Variants in BPNT2 observed in about 807,000 individuals in gnomAD.
BPNT2 encodes Golgi-resident adenosine 3',5'-bisphosphate 3'-phosphatase.
In BPNT2, 11 loss-of-function variants were observed where a neutral mutation model predicts 29.3. The ratio of observed to expected loss-of-function variants is 0.38; its 90% CI spans 0.24 to 0.62. BPNT2 has a LOEUF of 0.62. Ranked by LOEUF, BPNT2 falls within the 20% of genes least tolerant of loss-of-function variation. The pLI, the probability that BPNT2 is intolerant of heterozygous loss-of-function variation, is 0.62. For synonymous variants in BPNT2, 195 were observed against 187.7 expected (o/e 1.04, Z -0.32); for missense variants, 459 against 473.4 (o/e 0.97, Z 0.28).
At position 56,980,146 on chromosome 8, in the gene BPNT2, C is replaced by A. The variant is rs761335643; in HGVS notation, c.439G>T (p.Asp147Tyr). Residue 147 changes from aspartate (D) to tyrosine (Y), a missense_variant, in exon 2 of 5, where the codon GAT becomes TAT. Physicochemically the swap from Asp to Tyr is radical, Grantham distance 160. Coordinates refer to ENST00000262644, the MANE Select transcript of BPNT2 (RefSeq NM_017813.5). ...DAADQEVILW[D>Y]HKIPEDILKE... ...AGGATATCCTCAGGAATCTTATGAT[C>A]CCACAAGATAACCTCCTGATCAGCT... 1 of 1,612,478 alleles carries A rather than the reference C, an allele frequency of 6.2e-7. No individual in the cohort carries two copies. Among genetic ancestry groups the A allele is most frequent in the Non-Finnish European group, 8.5e-7 (1 of 1,178,752 alleles).
chr8:56,979,989 A>G, intron 2 of BPNT2, 46 bp downstream of exon 2: 1 of 1,582,478 alleles, frequency 6.3e-7, no homozygotes, highest in African/African-American at 1.3e-5. Context: ...CTGGTTCTCT[A>G]CTACTAAACG....
At position 56,958,511 on chromosome 8, in the gene BPNT2, T is replaced by C. The variant is rs1223447229; in HGVS notation, c.*5282A>G. On this transcript the variant is annotated 3_prime_UTR_variant, in exon 5 of 5. Transcript: ENST00000262644. Reference sequence around the variant, plus strand: ...GTGACGGCAACAGCTAATGGTCTAGTTCCTCCATGGCTTTAAATGCATGAA... The same window carrying C: ...GTGACGGCAACAGCTAATGGTCTAGCTCCTCCATGGCTTTAAATGCATGAA... 6.6e-6 allele frequency: 1 copy of C among 152,228 alleles called. No individual in the cohort carries two copies. The highest frequency in any genetic ancestry group is 1.9e-4 in the East Asian group (1 of 5,202). The allele number at this position is 152,228 out of a possible 1,614,324, so 9.4% of individuals were successfully genotyped here.
intron 1 of BPNT2, among the ~76,000 whole-genome samples, chr8:56,981,126 A>G (rs1806234563): frequency 1.3e-5 from 2 of 152,246 alleles, no homozygotes; most frequent in African/African-American, 2.4e-5. Context: ...AGATGCCAGC[A>G]ACAACACCCT....
Position 56,958,638 on chromosome 8 carries a change from T to C in BPNT2, c.*5155A>G, listed in dbSNP as rs994403556. On this transcript the variant is annotated 3_prime_UTR_variant, in exon 5 of 5. Coordinates refer to ENST00000262644, the MANE Select transcript of BPNT2 (RefSeq NM_017813.5). ...ATAAAAGTATGAAGAGGCAAGAACATAGATTGAAAACTCCATTTCCTAGTT... is the reference window on the plus strand; with the variant it reads ...ATAAAAGTATGAAGAGGCAAGAACACAGATTGAAAACTCCATTTCCTAGTT... 7.9e-5 allele frequency: 12 copies of C among 152,206 alleles called. No homozygotes were observed. Among genetic ancestry groups the C allele is most frequent in the Non-Finnish European group, 1.3e-4 (9 of 68,036 alleles). The allele number at this position is 152,206 out of a possible 1,614,324, so 9.4% of individuals were successfully genotyped here.
chr8:56,978,689 T>C (rs1275176644), intron 2 of BPNT2, among the ~76,000 whole-genome samples: 1 of 151,070 alleles, frequency 6.6e-6, no homozygotes, highest in Non-Finnish European at 1.5e-5. Context: ...GTGGTACATA[T>C]ACACCGTGCA....
At chr8:56,966,109 TG>T in intron 4 of BPNT2, 81 bp downstream of exon 4, 1 of 1,480,362 alleles carries the variant, frequency 6.8e-7, no homozygotes, top group Non-Finnish European at 9.4e-7. Flanking sequence ...CTCCCAAGCA[TG>T]GACAAGCAAA....
chr8:56,984,227 A>T (rs1806291886), intron 1 of BPNT2, among the ~76,000 whole-genome samples: 1 of 152,202 alleles, frequency 6.6e-6, no homozygotes, highest in Admixed American at 6.5e-5. Flanking sequence ...ATTTGAAAAG[A>T]TCTTCACTGA....
At chr8:56,964,310 A>AT in intron 4 of BPNT2, 1 of 340,846 alleles carries the variant, frequency 2.9e-6, no homozygotes. Flanking sequence ...TTATTTATTT[A>AT]TTTTTTGAGA....
intron 2 of BPNT2, among the ~76,000 whole-genome samples, chr8:56,979,057 T>C (rs1246948161): frequency 6.6e-6 from 1 of 152,134 alleles, no homozygotes; most frequent in Non-Finnish European, 1.5e-5. Flanking sequence ...TTAAAACAAA[T>C]TGCATTTAGA....
intron 3 of BPNT2, among the ~76,000 whole-genome samples, chr8:56,969,286 A>G (rs187205682): frequency 3.3e-5 from 5 of 152,358 alleles, no homozygotes; most frequent in Admixed American, 3.3e-4. Context: ...TTAAGTATCA[A>G]GACTATAGAC....
At chr8:56,990,096 T>C (rs1806393682) in intron 1 of BPNT2, among the ~76,000 whole-genome samples, 1 of 152,192 alleles carries the variant, frequency 6.6e-6, no homozygotes, top group East Asian at 1.9e-4. Context: ...TCTCAAACTT[T>C]TCTGGGACAT....
At chr8:56,966,541 T>C (rs1042944044) in intron 3 of BPNT2, among the ~76,000 whole-genome samples, 189 bp from the exon 4 acceptor site, 11 of 152,240 alleles carry the variant, frequency 7.2e-5, no homozygotes, top group African/African-American at 2.4e-4. Context: ...ATTTGTAAAA[T>C]AGACATGTAT....
At chr8:56,967,375 G>A (rs758847882) in intron 3 of BPNT2, among the ~76,000 whole-genome samples, 3 of 152,150 alleles carry the variant, frequency 2.0e-5, no homozygotes, top group Non-Finnish European at 4.4e-5. Flanking sequence ...TACCTACAGA[G>A]TAAGTAGGAG....
At chr8:56,966,766 T>A (rs1805960044) in intron 3 of BPNT2, among the ~76,000 whole-genome samples, 1 of 152,218 alleles carries the variant, frequency 6.6e-6, no homozygotes, top group Admixed American at 6.5e-5. Flanking sequence ...CCAAGTCTGA[T>A]TCCTGGAGAA....
chr8:56,971,787 C>CCCCT (rs1806038465), intron 3 of BPNT2, among the ~76,000 whole-genome samples: 2 of 144,258 alleles, frequency 1.4e-5, no homozygotes, highest in East Asian at 2.1e-4. Flanking sequence ...GTACCACCCC[C>CCCCT]CCCCCCACAA....
chr8:56,986,081 G>C (rs772922844), intron 1 of BPNT2, among the ~76,000 whole-genome samples: 8 of 152,140 alleles, frequency 5.3e-5, no homozygotes, highest in Non-Finnish European at 1.0e-4. Flanking sequence ...GGAGGATGTC[G>C]TTACTACAGC....
At chr8:56,990,534 A>C (rs13265996) in intron 1 of BPNT2, among the ~76,000 whole-genome samples, 10,192 of 152,234 alleles carry the variant, frequency 0.067, 559 homozygotes, top group East Asian at 0.27. Context: ...AAGGAAATCC[A>C]GGGAGCCTAG....
intron 1 of BPNT2, among the ~76,000 whole-genome samples, chr8:56,981,337 C>T (rs1007288641): frequency 9.8e-5 from 15 of 152,302 alleles, no homozygotes; most frequent in African/African-American, 3.1e-4. Flanking sequence ...GAGGCCGAGG[C>T]GGCTGGATCA....
chr8:56,986,608 G>C (rs1041017007), intron 1 of BPNT2, among the ~76,000 whole-genome samples: 1 of 152,130 alleles, frequency 6.6e-6, no homozygotes. Context: ...GAAAATATCT[G>C]AAGTCAAAAA....
Sources: gnomAD v4.1 joint callset for allele counts (sites outside exome capture counted in the v4.1 genomes callset) on GRCh38, gnomAD v4.1.1 for gene constraint, MANE v1.5 for transcripts, NCBI Gene and HGNC (gene_info 2026-07-23, HGNC 2026-07-21) for gene names.